The following NCAPH variants were observed in gnomAD, a reference collection of about 807,000 sequenced individuals.
NCAPH encodes the protein non-SMC condensin I complex subunit H, also known as condensin complex subunit 2.
In NCAPH, 38 loss-of-function variants were observed where a neutral mutation model predicts 85.5. The ratio of observed to expected loss-of-function variants is 0.44; its 90% CI spans 0.34 to 0.58. The LOEUF (loss-of-function observed/expected upper bound fraction) is 0.58. Ranked by LOEUF, NCAPH falls within the 20% of genes least tolerant of loss-of-function variation. NCAPH has a pLI of 0.01. For missense variants in NCAPH, 789 were observed against 916.6 expected (o/e 0.86, Z 1.80); for synonymous variants, 301 against 335.1 (o/e 0.90, Z 1.11).
chr2:96,364,592 G>A lies in NCAPH; in HGVS notation c.1698+1G>A. 1 of 1,591,400 alleles carries A rather than the reference G, an allele frequency of 6.3e-7. No homozygotes were observed. The highest frequency in any genetic ancestry group is 8.6e-7 in the Non-Finnish European group (1 of 1,159,538). On this transcript the variant is annotated splice_donor_variant, in intron 13 of 17. Transcript: ENST00000240423. LOFTEE classifies it high-confidence loss of function. Reference sequence around the variant, plus strand: ...CTCCAACTTTTGCCCTGGATTACAGGTAAAGGGGGGAAAGGGGCTCTGTCC... The same window carrying A: ...CTCCAACTTTTGCCCTGGATTACAGATAAAGGGGGGAAAGGGGCTCTGTCC...
chr2:96,365,544 C>G (rs777588374), intron 13 of NCAPH, among the ~76,000 whole-genome samples: 2 of 152,076 alleles, frequency 1.3e-5, no homozygotes, highest in African/African-American at 2.4e-5. Flanking sequence ...GTGATATGTT[C>G]AGGTCATATC....
At chr2:96,341,520 G>C in intron 1 of NCAPH, 122 bp from the exon 2 acceptor site, 3 of 1,295,356 alleles carry the variant, frequency 2.3e-6, no homozygotes, top group Admixed American at 2.3e-5. Flanking sequence ...TTAAGTATTA[G>C]AGTTGGAGAA....
rs187266947 is a variant in NCAPH at position 96,357,092 on chromosome 2, C to T, written c.1209-1953C>T. ...ATAAGGCAGTTACTGTGGTTAATGA[C>T]CTAGTCGGAGGTCAAAGCCCAGAAC... On this transcript the variant is annotated intron_variant, in intron 9 of 17. Transcript: ENST00000240423. Among the ~76,000 whole-genome samples the T allele has an allele frequency of 4.7e-4, 71 of 152,296 alleles. 1 individual carries two copies. The East Asian group carries it at 0.014, about 29-fold the overall frequency.
At chr2:96,361,707 A>G (rs558957480) in intron 12 of NCAPH, among the ~76,000 whole-genome samples, 5 of 145,692 alleles carry the variant, frequency 3.4e-5, no homozygotes, top group Admixed American at 1.4e-4. Flanking sequence ...AAGACTTTAT[A>G]CTTTCCTCTT....
intron 1 of NCAPH, among the ~76,000 whole-genome samples, chr2:96,336,066 C>T (rs1415691454): frequency 2.0e-5 from 3 of 152,094 alleles, no homozygotes; most frequent in African/African-American, 7.2e-5. Context: ...GCGGCTTCGG[C>T]CGGAGTCGGA....
chr2:96,361,806 GTA>G (rs1220395616), intron 12 of NCAPH, among the ~76,000 whole-genome samples: 2,094 of 76,666 alleles, frequency 0.027, 24 homozygotes, highest in South Asian at 0.043. Context: ...ATATATATGT[GTA>G]TATATATATA....
intron 1 of NCAPH, among the ~76,000 whole-genome samples, chr2:96,339,548 G>A (rs1040609472): frequency 2.0e-5 from 3 of 148,318 alleles, no homozygotes; most frequent in Non-Finnish European, 4.4e-5. Flanking sequence ...CTGAGATCCC[G>A]TCACTGCACT....
At chr2:96,355,389 A>T (rs1359038404) in intron 9 of NCAPH, among the ~76,000 whole-genome samples, 2 of 152,190 alleles carry the variant, frequency 1.3e-5, no homozygotes, top group Non-Finnish European at 2.9e-5. Context: ...GGTTTTGAGT[A>T]AAACCTTAGA....
rs749221839 is a variant in NCAPH at position 96,341,828 on chromosome 2, G to A, written c.206G>A (p.Arg69His). 11 of 1,613,546 alleles carry A rather than the reference G, an allele frequency of 6.8e-6. No individual in the cohort carries two copies. Among genetic ancestry groups the A allele is most frequent in the Middle Eastern group, 1.6e-4 (1 of 6,084 alleles). The change falls in exon 2 of 18, where the codon CGC (arginine) becomes CAC (histidine). Residue 69 changes from arginine to histidine, a missense_variant. Arg to His is a conservative substitution (Grantham distance 29). Coordinates refer to ENST00000240423, the MANE Select transcript of NCAPH (RefSeq NM_015341.5). ...GAGAAGGAGCGGCTGCAGCGGAGGC[G>A]CTCGAGGGTCTTTGATCTGCAGTTC... Reference protein sequence around the residue: ...DDEKERLQRRRSRVFDLQFST... With the variant: ...DDEKERLQRRHSRVFDLQFST...
rs10177968 is a variant in NCAPH, at chr2:96,340,831, G to C, written c.20-811G>C. 2.1e-5 allele frequency among the ~76,000 whole-genome samples: 3 copies of C among 144,166 alleles called. No homozygotes were observed. In the East Asian group the frequency reaches 6.2e-4, roughly 30 times the overall value. 94.6% of individuals were successfully genotyped at this position (144,166 alleles called of 152,430 possible). A position where few individuals can be genotyped will look rare whatever the true frequency, so the allele number is the denominator to read the frequency against. On this transcript the variant is annotated intron_variant, in intron 1 of 17. Coordinates refer to ENST00000240423, the MANE Select transcript of NCAPH (RefSeq NM_015341.5). ...GTTATCTTTTAAGTTAAGAGACTAA[G>C]CTAGTTTTCTTGAAAACTGTCCTGC...
chr2:96,373,208 C>G, intron 17 of NCAPH, 84 bp from the exon 18 acceptor site: 2 of 1,155,516 alleles, frequency 1.7e-6, no homozygotes, highest in Admixed American at 1.9e-5. Context: ...TCTTTGTAGT[C>G]ACTACCTTGT....
Position 96,376,343 on chromosome 2 carries a change from G to T in NCAPH, c.*2992G>T, listed in dbSNP as rs565702597. Among the ~76,000 whole-genome samples the T allele has an allele frequency of 1.1e-4, 16 of 152,340 alleles. No individual in the cohort carries two copies. In the South Asian group the frequency reaches 3.3e-3, roughly 32 times the overall value. On this transcript the variant is annotated 3_prime_UTR_variant, in exon 18 of 18. Coordinates refer to ENST00000240423, the MANE Select transcript of NCAPH (RefSeq NM_015341.5). ...GCAAGAGAGGGCAATTTGCAAGAGAGAATTGTGGGGCCCTGAGAGAGAATA... is the reference window on the plus strand; with the variant it reads ...GCAAGAGAGGGCAATTTGCAAGAGATAATTGTGGGGCCCTGAGAGAGAATA...
chr2:96,343,779 C>T lies in NCAPH; in HGVS notation c.596-326C>T, dbSNP rs1234152036. On this transcript the variant is annotated intron_variant, in intron 5 of 17. Coordinates refer to ENST00000240423, the MANE Select transcript of NCAPH (RefSeq NM_015341.5). ...GCAGTGGTGTGATCTGGGCTCACGG[C>T]AGCCTCTGGCTCCCAAGTTCAAGTG... Among the ~76,000 whole-genome samples, 4 of 151,686 alleles carry T rather than the reference C, an allele frequency of 2.6e-5. No homozygotes were observed. In the East Asian group the frequency reaches 7.7e-4, roughly 29 times the overall value.
At chr2:96,368,774 A>C (rs1016276631) in intron 15 of NCAPH, among the ~76,000 whole-genome samples, 198 bp from the exon 16 acceptor site, 2 of 152,184 alleles carry the variant, frequency 1.3e-5, no homozygotes, top group Admixed American at 1.3e-4. Flanking sequence ...GGCTGTTGAC[A>C]TCCATGTTTA....
At chr2:96,346,233 A>G (rs2064359513) in intron 6 of NCAPH, among the ~76,000 whole-genome samples, 2 of 152,056 alleles carry the variant, frequency 1.3e-5, no homozygotes, top group South Asian at 4.2e-4. Flanking sequence ...ATCAGCTTAC[A>G]GTGAGGATAG....
chr2:96,355,266 C>T (rs1370605652), intron 9 of NCAPH, among the ~76,000 whole-genome samples: 1 of 152,076 alleles, frequency 6.6e-6, no homozygotes, highest in Non-Finnish European at 1.5e-5. Flanking sequence ...CTGTAAAGGT[C>T]TTCAATGGGC....
In NCAPH at chr2:96,369,032, C is replaced by T; in HGVS notation, c.2059C>T (p.Leu687Phe). The change falls in exon 16 of 18, where the codon CTT becomes TTT. Residue 687 changes from leucine to phenylalanine, a missense_variant. Leu to Phe is a conservative substitution (Grantham distance 22, BLOSUM62 0). Coordinates refer to ENST00000240423, the MANE Select transcript of NCAPH (RefSeq NM_015341.5). Reference protein sequence around the residue: ...ALAEVADEKMLSGLTKDLQRS... With the variant: ...ALAEVADEKMFSGLTKDLQRS... Reference sequence around the variant, plus strand: ...GGCAGAAGTGGCTGACGAGAAGATGCTTAGCGGGCTCACGAAGGACCTGCA... The same window carrying T: ...GGCAGAAGTGGCTGACGAGAAGATGTTTAGCGGGCTCACGAAGGACCTGCA... 3 of 1,556,186 alleles carry T rather than the reference C, an allele frequency of 1.9e-6. No homozygotes were observed. Among genetic ancestry groups the T allele is most frequent in the African/African-American group, 2.7e-5 (2 of 73,548 alleles).
chr2:96,361,301 C>G (rs1443442300), intron 12 of NCAPH, among the ~76,000 whole-genome samples: 1 of 152,040 alleles, frequency 6.6e-6, no homozygotes, highest in African/African-American at 2.4e-5. Flanking sequence ...CCACCCACCT[C>G]AGCCTCCCAA....
intron 1 of NCAPH, among the ~76,000 whole-genome samples, chr2:96,337,766 C>CA (rs2064234478): frequency 6.6e-6 from 1 of 152,080 alleles, no homozygotes; most frequent in African/African-American, 2.4e-5. Flanking sequence ...GGCTGGAGTG[C>CA]GTGGCTATTG....
Sources: allele counts gnomAD v4.1 joint callset (sites outside exome capture counted in the v4.1 genomes callset), GRCh38; gene constraint gnomAD v4.1.1; transcripts MANE v1.5; gene names NCBI Gene and HGNC (gene_info 2026-07-23, HGNC 2026-07-21).